Variants in MTAP observed in about 807,000 individuals in gnomAD.
The protein encoded by MTAP is S-methyl-5'-thioadenosine phosphorylase.
A neutral mutation model predicts 33.6 loss-of-function variants in MTAP; 33 were observed. That is an observed-to-expected ratio of 0.98 (90% CI 0.74 to 1.31). The LOEUF (loss-of-function observed/expected upper bound fraction) is 1.31. MTAP is among the 40% of genes most tolerant of loss of function. The pLI, the probability that MTAP is intolerant of heterozygous loss-of-function variation, is 0.00. For missense variants in MTAP, 367 were observed against 360.0 expected (o/e 1.02, Z -0.16); for synonymous variants, 148 against 125.7 (o/e 1.18, Z -1.19).
At chr9:21,920,592 G>T (rs77761485) in intron 1 of MTAP, among the ~76,000 whole-genome samples, 1 of 152,108 alleles carries the variant, frequency 6.6e-6, no homozygotes, top group Non-Finnish European at 1.5e-5. Context: ...TAGCCCACTC[G>T]AAAGGGGCTA....
downstream of MTAP, among the ~76,000 whole-genome samples, chr9:21,869,143 A>G (rs1228357051): frequency 6.6e-6 from 1 of 152,054 alleles, no homozygotes; most frequent in African/African-American, 2.4e-5. Context: ...CTTGACCCCA[A>G]TTCTATGTGC....
Position 21,862,206 on chromosome 9 carries a change from C to G in MTAP, c.*192C>G, listed in dbSNP as rs575907260. On this transcript the variant is annotated 3_prime_UTR_variant, in exon 8 of 8. Transcript: ENST00000644715. ...GAATGATTTAGACAACTTCAAAATA[C>G]AGAAGAAAAGCAAATGACTAGTAAA... is the stretch of plus-strand genomic sequence containing the variant. 5.0e-5 allele frequency: 65 copies of G among 1,307,714 alleles called. No homozygotes were observed. The African/African-American group carries it at 9.1e-4, about 18-fold the overall frequency. The allele number at this position is 1,307,714 out of a possible 1,614,324, so 81.0% of individuals were successfully genotyped here.
At chr9:21,840,002 G>A (rs578114136) in intron 5 of MTAP, among the ~76,000 whole-genome samples, 6 of 152,302 alleles carry the variant, frequency 3.9e-5, no homozygotes, top group Admixed American at 1.3e-4. Context: ...CAAGGCAGGC[G>A]GATCATGAGG....
rs988808615 is a variant in MTAP at position 21,863,798 on chromosome 9, C to G, written c.*1784C>G. The G allele has an allele frequency of 2.0e-6, 2 of 985,686 alleles. No individual in the cohort carries two copies. Among genetic ancestry groups the G allele is most frequent in the African/African-American group, 3.5e-5 (2 of 57,218 alleles). The allele number at this position is 985,686 out of a possible 1,614,324, so 61.1% of individuals were successfully genotyped here. A position where few individuals can be genotyped will look rare whatever the true frequency, so the allele number is the denominator to read the frequency against. Reference sequence around the variant, plus strand: ...AAAGTCAATGTGTTTGTTTGTGTCTCTGAGATTGACTTCAAGATAATAAGC... The same window carrying G: ...AAAGTCAATGTGTTTGTTTGTGTCTGTGAGATTGACTTCAAGATAATAAGC... On this transcript the variant is annotated 3_prime_UTR_variant, in exon 8 of 8. Transcript: ENST00000644715.
intron 5 of MTAP, among the ~76,000 whole-genome samples, chr9:21,851,643 C>G (rs1825514458): frequency 6.6e-6 from 1 of 152,018 alleles, no homozygotes; most frequent in African/African-American, 2.4e-5. Flanking sequence ...TGAGTGTTAA[C>G]TTGATTGGAT....
intron 1 of MTAP, among the ~76,000 whole-genome samples, chr9:21,927,669 A>T (rs139786540): frequency 5.9e-5 from 9 of 152,300 alleles, no homozygotes; most frequent in African/African-American, 2.2e-4. Context: ...GGTATGCTAT[A>T]TGTCCCTTCA....
At chr9:21,815,590 T>TAAAA (rs4007652) in intron 2 of MTAP, 71 bp downstream of exon 2, 14,142 of 755,672 alleles carry the variant, frequency 0.019, 15 homozygotes, top group African/African-American at 0.026. Flanking sequence ...ATTTTTGAAT[T>TAAAA]AAAAAAAAAA....
intron 4 of MTAP, among the ~76,000 whole-genome samples, chr9:21,823,244 C>G (rs1824694127): frequency 6.6e-6 from 1 of 152,136 alleles, no homozygotes; most frequent in African/African-American, 2.4e-5. Flanking sequence ...TATATTTTGG[C>G]ATGTTTTTGC....
In MTAP at chr9:21,817,621, A is replaced by C. The variant is rs569781975; in HGVS notation, c.180-414A>C. ...TATTAGGATATGGCAAAGGTGCTAG[A>C]AGTCACCTCCATGGTTAAGCTGTAC... On this transcript the variant is annotated intron_variant, in intron 3 of 7. Transcript: ENST00000644715. Among the ~76,000 whole-genome samples the C allele has an allele frequency of 5.9e-5, 9 of 152,146 alleles. No homozygotes were observed. The South Asian group carries it at 1.9e-3, about 32-fold the overall frequency.
chr9:21,820,432 T>C (rs983089268), intron 4 of MTAP, among the ~76,000 whole-genome samples: 4 of 152,222 alleles, frequency 2.6e-5, no homozygotes, highest in African/African-American at 9.6e-5. Context: ...TTGTCAGGTT[T>C]GTCACAGATC....
At chr9:21,885,430 A>G (rs996205244) in intron 1 of MTAP, among the ~76,000 whole-genome samples, 6 of 151,238 alleles carry the variant, frequency 4.0e-5, no homozygotes, top group African/African-American at 1.5e-4. Flanking sequence ...AATAATTTGC[A>G]TTTTTTTTTA....
At chr9:21,918,180 C>A (rs1254889672) in intron 1 of MTAP, among the ~76,000 whole-genome samples, 1 of 143,874 alleles carries the variant, frequency 7.0e-6, no homozygotes, top group Non-Finnish European at 1.5e-5. Flanking sequence ...GAAACCCCGT[C>A]TCTACTAAAA....
chr9:21,927,457 A>G (rs146391534), intron 1 of MTAP, among the ~76,000 whole-genome samples: 1 of 152,222 alleles, frequency 6.6e-6, no homozygotes. Flanking sequence ...CCCACAGGTA[A>G]CAGTTGAGTG....
intron 1 of MTAP, among the ~76,000 whole-genome samples, chr9:21,804,218 T>A (rs991410603): frequency 1.3e-5 from 2 of 152,240 alleles, no homozygotes; most frequent in African/African-American, 4.8e-5. Context: ...GGAACTGAGA[T>A]TAATTTTGAA....
intron 4 of MTAP, among the ~76,000 whole-genome samples, chr9:21,824,861 G>A (rs1019532056): frequency 2.6e-5 from 4 of 152,112 alleles, no homozygotes; most frequent in African/African-American, 9.7e-5. Flanking sequence ...TGCTGTGCTA[G>A]CAATAAGCGA....
Position 21,862,198 on chromosome 9 carries a change from T to C in MTAP, c.*184T>C. 7.5e-7 allele frequency: 1 copy of C among 1,338,940 alleles called. No individual in the cohort carries two copies. The highest frequency in any genetic ancestry group is 9.6e-7 in the Non-Finnish European group (1 of 1,042,102). The allele number at this position is 1,338,940 out of a possible 1,614,324, so 82.9% of individuals were successfully genotyped here. On this transcript the variant is annotated 3_prime_UTR_variant, in exon 8 of 8. Coordinates refer to ENST00000644715, the MANE Select transcript of MTAP (RefSeq NM_002451.4). Reference sequence around the variant, plus strand: ...AGACTCCTGAATGATTTAGACAACTTCAAAATACAGAAGAAAAGCAAATGA... The same window carrying C: ...AGACTCCTGAATGATTTAGACAACTCCAAAATACAGAAGAAAAGCAAATGA...
chr9:21,825,911 A>G (rs1346651120), intron 4 of MTAP, among the ~76,000 whole-genome samples: 1 of 152,010 alleles, frequency 6.6e-6, no homozygotes, highest in Non-Finnish European at 1.5e-5. Context: ...AGCATTTTTC[A>G]TACAGCTGTT....
At position 21,888,805 on chromosome 9, in the gene MTAP, G is replaced by A. The variant is rs7850339; in HGVS notation, c.147+33935G>A. Among the ~76,000 whole-genome samples the A allele has an allele frequency of 7.6e-3, 1,161 of 151,948 alleles. 14 individuals carry two copies. The highest frequency in any genetic ancestry group is 0.026 in the African/African-American group (1,064 of 41,456). Reference sequence around the variant, plus strand: ...AGTTCAAAGAACACCCAGGAAATTCGTCGCAAAAAGATCATCACCTAGACA... The same window carrying A: ...AGTTCAAAGAACACCCAGGAAATTCATCGCAAAAAGATCATCACCTAGACA... On this transcript the variant is annotated intron_variant, in intron 1 of 1. Transcript: ENST00000577563.
chr9:21,804,239 C>A (rs980000398), intron 1 of MTAP, among the ~76,000 whole-genome samples: 6 of 152,050 alleles, frequency 3.9e-5, no homozygotes, highest in Admixed American at 3.9e-4. Context: ...TGATCTTTTC[C>A]CCAAAAATTA....
Sources: gnomAD v4.1 joint callset for allele counts (sites outside exome capture counted in the v4.1 genomes callset) on GRCh38, gnomAD v4.1.1 for gene constraint, MANE v1.5 for transcripts, NCBI Gene and HGNC (gene_info 2026-07-23, HGNC 2026-07-21) for gene names.